Variants in GAL observed in about 807,000 individuals in gnomAD.
GAL encodes the protein galanin peptides.
A neutral mutation model predicts 15.8 loss-of-function variants in GAL; 14 were observed. The observed-to-expected ratio is 0.89, with a 90% confidence interval of 0.59 to 1.39. The LOEUF (loss-of-function observed/expected upper bound fraction) is 1.39. Ranked by LOEUF, GAL falls within the 40% of genes most tolerant of loss-of-function variation. The pLI is 0.00. For synonymous variants in GAL, 79 were observed against 73.8 expected (o/e 1.07, Z -0.36); for missense variants, 176 against 170.4 (o/e 1.03, Z -0.18).
At chr11:68,689,643 T>C (rs1257543330) in intron 5 of GAL, among the ~76,000 whole-genome samples, 1 of 152,226 alleles carries the variant, frequency 6.6e-6, no homozygotes, top group Non-Finnish European at 1.5e-5. Flanking sequence ...GTGACCTGTC[T>C]GCCTCAGTCT....
intron 3 of GAL, 52 bp downstream of exon 3, chr11:68,685,700 C>T: frequency 7.5e-7 from 1 of 1,335,510 alleles, no homozygotes; most frequent in Non-Finnish European, 1.1e-6. Flanking sequence ...CTGCCCCTCG[C>T]TTTGAACCCT....
In GAL at chr11:68,691,144, A is replaced by G. The variant is rs1277491316; in HGVS notation, c.*157A>G. On this transcript the variant is annotated 3_prime_UTR_variant, in exon 6 of 6. Transcript: ENST00000265643. ...TTAAGATTTTTTTTTTTTGGTAATT[A>G]TTTTGAGTGGCAAAATAAAGAATAG... is the stretch of plus-strand genomic sequence containing the variant. 1.7e-6 allele frequency: 1 copy of G among 583,592 alleles called. No homozygotes were observed. Among genetic ancestry groups the G allele is most frequent in the Admixed American group, 2.9e-5 (1 of 34,150 alleles). 36.2% of individuals were successfully genotyped at this position (583,592 alleles called of 1,614,324 possible). A position where few individuals can be genotyped will look rare whatever the true frequency, so the allele number is the denominator to read the frequency against.
At chr11:68,690,015 C>T (rs1003424024) in intron 5 of GAL, among the ~76,000 whole-genome samples, 6 of 151,986 alleles carry the variant, frequency 3.9e-5, no homozygotes, top group African/African-American at 1.2e-4. Flanking sequence ...AGGGATGGAC[C>T]GCTTTGCCTC....
intron 2 of GAL, 75 bp from the exon 3 acceptor site, chr11:68,685,519 G>T (rs915234224): frequency 3.0e-6 from 3 of 1,009,472 alleles, no homozygotes; most frequent in Admixed American, 3.5e-5. Context: ...GCCATGCCGG[G>T]AAAGCCTGGG....
At position 68,690,973 on chromosome 11, in the gene GAL, A is replaced by C. The variant is rs781196225; in HGVS notation, c.358A>C (p.Ile120Leu). 9 of 1,612,106 alleles carry C rather than the reference A, an allele frequency of 5.6e-6. No individual in the cohort carries two copies. The highest frequency in any genetic ancestry group is 7.6e-6 in the Non-Finnish European group (9 of 1,178,362). ...CCCCGCCGCAGCCTCCTCAGAAGACATCGAGCGGTCCTGAGAGCCTCCTGG... is the reference window on the plus strand; with the variant it reads ...CCCCGCCGCAGCCTCCTCAGAAGACCTCGAGCGGTCCTGAGAGCCTCCTGG... The part of the protein sequence containing the change: ...DLPAAASSED[I>L]ERS Residue 120 changes from isoleucine to leucine, a missense_variant, in exon 6 of 6, where the codon ATC becomes CTC. By Grantham distance (5) the Ile-to-Leu change is conservative. Transcript: ENST00000265643.
intron 5 of GAL, among the ~76,000 whole-genome samples, 194 bp from the exon 6 acceptor site, chr11:68,690,723 T>C (rs1277221182): frequency 6.6e-6 from 1 of 152,250 alleles, no homozygotes; most frequent in Non-Finnish European, 1.5e-5. Flanking sequence ...CAGTTTTAAA[T>C]GCTTACTAAC....
intron 3 of GAL, among the ~76,000 whole-genome samples, chr11:68,686,625 G>A (rs11228325): frequency 0.013 from 1,927 of 152,278 alleles, 40 homozygotes; most frequent in African/African-American, 0.044. Context: ...AAACAGACAC[G>A]GGGATGACAG....
intron 5 of GAL, 115 bp downstream of exon 5, chr11:68,689,041 C>A (rs1400541105): frequency 3.1e-6 from 2 of 654,958 alleles, no homozygotes; most frequent in Middle Eastern, 2.5e-4. Context: ...TACTTATCTA[C>A]GTACAAAGTC....
At chr11:68,688,193 A>G (rs1945872585) in intron 4 of GAL, 93 bp downstream of exon 4, 3 of 793,286 alleles carry the variant, frequency 3.8e-6, no homozygotes, top group African/African-American at 3.4e-5. Context: ...GGGGCTGTCC[A>G]CAGCTGCAGC....
Position 68,685,620 on chromosome 11 carries a change from G to T in GAL, c.108G>T (p.Leu36=). ...SPAKEKRGWT[L]NSAGYLLGPH... ...CCAAGGAAAAACGAGGCTGGACCCT[G>T]AACAGCGCGGGCTACCTGCTGGGCC... is the stretch of plus-strand genomic sequence containing the variant. Residue 36 remains leucine, a synonymous_variant, in exon 3 of 6, where the codon CTG becomes CTT. Transcript: ENST00000265643. 1 of 1,613,730 alleles carries T rather than the reference G, an allele frequency of 6.2e-7. No individual in the cohort carries two copies.
rs779506188 is a variant in GAL at position 68,685,601 on chromosome 11, A to G, written c.89A>G (p.Glu30Gly). 6.2e-7 allele frequency: 1 copy of G among 1,612,802 alleles called. No individual in the cohort carries two copies. The highest frequency in any genetic ancestry group is 8.5e-7 in the Non-Finnish European group (1 of 1,178,920). The change falls in exon 3 of 6, where the codon GAA (glutamate) becomes GGA (glycine). Residue 30 changes from glutamate to glycine, a missense_variant. By Grantham distance (98) the Glu-to-Gly change is moderately conservative (BLOSUM62 -2). Coordinates refer to ENST00000265643, the MANE Select transcript of GAL (RefSeq NM_015973.5). Reference protein sequence around the residue: ...ASAGLWSPAKEKRGWTLNSAG... With the variant: ...ASAGLWSPAKGKRGWTLNSAG... Reference sequence around the variant, plus strand: ...CCCTTTTCTCCCTTCAAGGCCAAGGAAAAACGAGGCTGGACCCTGAACAGC... The same window carrying G: ...CCCTTTTCTCCCTTCAAGGCCAAGGGAAAACGAGGCTGGACCCTGAACAGC...
intron 5 of GAL, among the ~76,000 whole-genome samples, chr11:68,689,600 T>C (rs890244928): frequency 6.6e-6 from 1 of 152,208 alleles, no homozygotes; most frequent in African/African-American, 2.4e-5. Flanking sequence ...GTTCATCATG[T>C]TGGCCAGGCT....
chr11:68,685,824 T>G (rs1475052824), intron 3 of GAL, among the ~76,000 whole-genome samples, 176 bp downstream of exon 3: 1 of 152,124 alleles, frequency 6.6e-6, no homozygotes. Flanking sequence ...TCCAGAAGCT[T>G]CTCCTGCCCC....
chr11:68,689,977 G>T (rs1188271458), intron 5 of GAL, among the ~76,000 whole-genome samples: 1 of 152,120 alleles, frequency 6.6e-6, no homozygotes, highest in Non-Finnish European at 1.5e-5. Context: ...GTGCTCTGAG[G>T]GTTAACAGGG....
At chr11:68,689,404 T>C (rs545411095) in intron 5 of GAL, among the ~76,000 whole-genome samples, 5 of 151,872 alleles carry the variant, frequency 3.3e-5, no homozygotes, top group African/African-American at 1.2e-4. Flanking sequence ...TCTCTCTCTC[T>C]TTCTTCCTTC....
At chr11:68,687,026 C>T (rs945739757) in intron 3 of GAL, among the ~76,000 whole-genome samples, 4 of 152,222 alleles carry the variant, frequency 2.6e-5, no homozygotes, top group African/African-American at 9.7e-5. Flanking sequence ...TTTCTAGGAT[C>T]TGCTAGAAAT....
intron 3 of GAL, among the ~76,000 whole-genome samples, chr11:68,685,865 C>T (rs1224861887): frequency 6.6e-6 from 1 of 152,072 alleles, no homozygotes; most frequent in Admixed American, 6.5e-5. Context: ...GGGTGAGATT[C>T]CCACCCTGGG....
At chr11:68,684,847 C>A in intron 1 of GAL, 77 bp from the exon 2 acceptor site, 1 of 873,404 alleles carries the variant, frequency 1.1e-6, no homozygotes, top group Non-Finnish European at 1.8e-6. Flanking sequence ...TGCTCCTCCC[C>A]GCAGCCCCGG....
At chr11:68,688,309 G>A (rs957977340) in intron 4 of GAL, among the ~76,000 whole-genome samples, 6 of 152,204 alleles carry the variant, frequency 3.9e-5, no homozygotes, top group African/African-American at 1.4e-4. Context: ...CTTCTAGGCT[G>A]GGAGGCTGCC....
Sources: gnomAD v4.1 joint callset for allele counts (sites outside exome capture counted in the v4.1 genomes callset) on GRCh38, gnomAD v4.1.1 for gene constraint, MANE v1.5 for transcripts, NCBI Gene and HGNC (gene_info 2026-07-23, HGNC 2026-07-21) for gene names.